The following PROS1 variants were observed in gnomAD, a reference collection of about 807,000 sequenced individuals.
PROS1 encodes the protein protein S, also known as vitamin K-dependent protein S.
Under a neutral mutation model 75.9 loss-of-function variants are expected in PROS1, and 29 were observed. The observed-to-expected ratio is 0.38, with a 90% CI of 0.28 to 0.52. The LOEUF is 0.52. Ranked by LOEUF, PROS1 falls within the 20% of genes least tolerant of loss-of-function variation. The pLI is 0.83. For synonymous variants in PROS1, 245 were observed against 280.6 expected (o/e 0.87, Z 1.27); for missense variants, 680 against 810.3 (o/e 0.84, Z 1.95).
chr3:93,875,437 T>C (rs1472689949), intron 14 of PROS1, among the ~76,000 whole-genome samples: 3 of 152,174 alleles, frequency 2.0e-5, no homozygotes, highest in Non-Finnish European at 4.4e-5. Context: ...TCCTCAGTGC[T>C]GTTGCCAAAA....
chr3:93,966,809 CAAAAAAA>C lies in PROS1; in HGVS notation c.76+6858_76+6864del, dbSNP rs752321696. Among the ~76,000 whole-genome samples the C allele has an allele frequency of 1.8e-4, 14 of 76,562 alleles. No individual in the cohort carries two copies. The East Asian group carries it at 2.6e-3, about 14-fold the overall frequency. 50.2% of individuals were successfully genotyped at this position (76,562 alleles called of 152,430 possible). On this transcript the variant is annotated intron_variant, in intron 1 of 14. Coordinates refer to ENST00000394236, the MANE Select transcript of PROS1 (RefSeq NM_000313.4). Reference sequence around the variant, plus strand: ...AGGGCGACAGAGCAAGACTCTGTTCCAAAAAAAAAAAAAAAAAAGAAGAAGGCAGCTC... The same window carrying C: ...AGGGCGACAGAGCAAGACTCTGTTCCAAAAAAAAAAAGAAGAAGGCAGCTC...
At chr3:93,936,819 G>A (rs1045716955) in intron 1 of PROS1, among the ~76,000 whole-genome samples, 30 of 152,180 alleles carry the variant, frequency 2.0e-4, no homozygotes, top group Non-Finnish European at 4.3e-4. Context: ...ATGGCAGAGA[G>A]TATTTATGGC....
rs766252664 is a variant in PROS1 at position 93,973,745 on chromosome 3, C to T, written c.5G>A (p.Arg2Lys). M[R>K]VLGGRCGALL... Reference sequence around the variant, plus strand: ...CGCCCCGCAGCGCCCACCCAGGACCCTCATTTCGAAGCGCGCGGAGGCGCC... The same window carrying T: ...CGCCCCGCAGCGCCCACCCAGGACCTTCATTTCGAAGCGCGCGGAGGCGCC... Residue 2 changes from arginine (R) to lysine (K), a missense_variant, in exon 1 of 15, where the codon AGG becomes AAG. Physicochemically the swap from Arg to Lys is conservative, Grantham distance 26. Transcript: ENST00000394236. The T allele has an allele frequency of 4.3e-6, 7 of 1,612,700 alleles. No homozygotes were observed. In the South Asian group the frequency reaches 7.7e-5, roughly 18 times the overall value.
At chr3:93,952,266 AG>A (rs2107245038) in intron 1 of PROS1, among the ~76,000 whole-genome samples, 1 of 152,330 alleles carries the variant, frequency 6.6e-6, no homozygotes, top group Admixed American at 6.5e-5. Context: ...CCAAATCAAC[AG>A]GATATACATT....
At chr3:93,945,581 C>G (rs1331001526) in intron 1 of PROS1, among the ~76,000 whole-genome samples, 2 of 152,130 alleles carry the variant, frequency 1.3e-5, no homozygotes, top group Non-Finnish European at 2.9e-5. Flanking sequence ...TCAATAGATG[C>G]AGAAAAGGCC....
rs534794096 is a variant in PROS1, at chr3:93,927,946, T to TATATAC, written c.77-545_77-540dup. Among the ~76,000 whole-genome samples, 986 of 140,696 alleles carry TATATAC rather than the reference T, an allele frequency of 7.0e-3. 23 individuals carry two copies. The highest frequency in any genetic ancestry group is 0.038 in the South Asian group (171 of 4,448). The allele number at this position is 140,696 out of a possible 152,430, so 92.3% of individuals were successfully genotyped here. On this transcript the variant is annotated intron_variant, in intron 1 of 14. Transcript: ENST00000394236. ...ATATGTGTATATATATATGTATATA[T>TATATAC]ATATACTTGTGTATATATATATGTG...
chr3:93,931,771 G>A (rs143197942), intron 1 of PROS1, among the ~76,000 whole-genome samples: 2 of 152,264 alleles, frequency 1.3e-5, no homozygotes, highest in African/African-American at 4.8e-5. Flanking sequence ...AAGAACACTC[G>A]GTCAAAGAGC....
intron 3 of PROS1, among the ~76,000 whole-genome samples, chr3:93,914,788 A>C (rs1237720318): frequency 6.6e-6 from 1 of 152,178 alleles, no homozygotes; most frequent in East Asian, 1.9e-4. Context: ...AGCAGTGTAC[A>C]CTGTACCCAA....
chr3:93,968,531 C>A (rs1001714619), intron 1 of PROS1, among the ~76,000 whole-genome samples: 5 of 152,128 alleles, frequency 3.3e-5, no homozygotes, highest in African/African-American at 1.2e-4. Flanking sequence ...TTTATTATGG[C>A]AGTCCTAGGG....
chr3:93,915,407 A>G (rs1299391704), intron 3 of PROS1, among the ~76,000 whole-genome samples: 3 of 152,194 alleles, frequency 2.0e-5, no homozygotes, highest in African/African-American at 7.2e-5. Flanking sequence ...CAGAGGCTGC[A>G]GTGAGCCAAG....
At chr3:93,899,450 G>A (rs1708552672) in intron 7 of PROS1, among the ~76,000 whole-genome samples, 1 of 152,034 alleles carries the variant, frequency 6.6e-6, no homozygotes, top group Non-Finnish European at 1.5e-5. Context: ...TATTATTAAA[G>A]TTATAGATAA....
intron 10 of PROS1, among the ~76,000 whole-genome samples, chr3:93,888,859 C>T (rs1256276342): frequency 6.6e-6 from 1 of 152,118 alleles, no homozygotes; most frequent in Middle Eastern, 3.2e-3. Flanking sequence ...TAGATCATGT[C>T]CCTTCTCAAA....
At chr3:93,905,054 G>A (rs1053196137) in intron 6 of PROS1, among the ~76,000 whole-genome samples, 1 of 152,280 alleles carries the variant, frequency 6.6e-6, no homozygotes, top group African/African-American at 2.4e-5. Flanking sequence ...AATCAGAAAA[G>A]TATTTCTGAA....
chr3:93,914,105 G>A (rs774320308), intron 3 of PROS1, among the ~76,000 whole-genome samples: 16 of 152,180 alleles, frequency 1.1e-4, no homozygotes, highest in Admixed American at 9.8e-4. Context: ...GCCATGCTGC[G>A]GCTCTCACAG....
chr3:93,899,151 T>G (rs901385404), intron 7 of PROS1, among the ~76,000 whole-genome samples: 30 of 151,930 alleles, frequency 2.0e-4, no homozygotes, highest in African/African-American at 5.1e-4. Context: ...AATATCTGTT[T>G]TTTTTTTTTT....
rs138925964 is a variant in PROS1, at chr3:93,879,279, C to G, written c.1528G>C (p.Val510Leu). The G allele has an allele frequency of 1.5e-5, 25 of 1,613,912 alleles. No individual in the cohort carries two copies. Among genetic ancestry groups the G allele is most frequent in the Non-Finnish European group, 2.0e-5 (24 of 1,179,940 alleles). The stretch of plus-strand genomic sequence containing the variant: ...GTGGATGGACGAATATTCAAGGTCA[C>G]ATTTACATGCCAACCCTCAGCACTG... ...VSSAEGWHVN[V>L]TLNIRPSTGT... The change falls in exon 13 of 15, where the codon GTG becomes CTG. Residue 510 changes from valine to leucine, a missense_variant. Val to Leu is a conservative substitution (Grantham distance 32, BLOSUM62 1). Coordinates refer to ENST00000394236, the MANE Select transcript of PROS1 (RefSeq NM_000313.4).
chr3:93,895,646 CA>C (rs1053775035), intron 9 of PROS1, among the ~76,000 whole-genome samples: 4 of 151,440 alleles, frequency 2.6e-5, no homozygotes, highest in East Asian at 1.9e-4. Flanking sequence ...CTCATTATTC[CA>C]AAAAAAATCC....
At chr3:93,920,941 A>G (rs547258520) in intron 3 of PROS1, among the ~76,000 whole-genome samples, 2 of 152,328 alleles carry the variant, frequency 1.3e-5, no homozygotes, top group East Asian at 3.9e-4. Context: ...GTTATTCTAG[A>G]TTTAACCTTT....
intron 9 of PROS1, among the ~76,000 whole-genome samples, chr3:93,894,171 G>C (rs531154317): frequency 6.6e-6 from 1 of 151,972 alleles, no homozygotes; most frequent in Non-Finnish European, 1.5e-5. Flanking sequence ...CACTCTTACC[G>C]CAATATAGTA....
Sources: gnomAD v4.1 joint callset for allele counts (sites outside exome capture counted in the v4.1 genomes callset) on GRCh38, gnomAD v4.1.1 for gene constraint, MANE v1.5 for transcripts, NCBI Gene and HGNC (gene_info 2026-07-23, HGNC 2026-07-21) for gene names.